Variants in RBBP4 observed in about 807,000 individuals in gnomAD.
The protein encoded by RBBP4 is RB binding protein 4, chromatin remodeling factor.
In RBBP4, 3 loss-of-function variants were observed where a neutral mutation model predicts 57.2. The ratio of observed to expected loss-of-function variants is 0.05; its 90% CI spans 0.02 to 0.14. The LOEUF (loss-of-function observed/expected upper bound fraction) is 0.14, where lower values mean the gene tolerates loss of function less well. Ranked by LOEUF, RBBP4 falls within the 10% of genes least tolerant of loss-of-function variation. The pLI, the probability that RBBP4 is intolerant of heterozygous loss-of-function variation, is 1.00. For synonymous variants in RBBP4, 151 were observed against 171.5 expected (o/e 0.88, Z 0.93); for missense variants, 107 against 520.6 (o/e 0.21, Z 7.73).
At chr1:32,675,665 A>G (rs965605631) in intron 11 of RBBP4, among the ~76,000 whole-genome samples, 18 of 152,172 alleles carry the variant, frequency 1.2e-4, no homozygotes, top group African/African-American at 4.3e-4. Flanking sequence ...GCTACTCGGG[A>G]GGCTGAGGCA....
chr1:32,682,042 T>G lies in RBBP4; in HGVS notation c.*2337T>G, dbSNP rs1649473934. 1 of 582,594 alleles carries G rather than the reference T, an allele frequency of 1.7e-6. No individual in the cohort carries two copies. The highest frequency in any genetic ancestry group is 3.1e-6 in the Non-Finnish European group (1 of 326,790). The allele number at this position is 582,594 out of a possible 1,614,324, so 36.1% of individuals were successfully genotyped here. On this transcript the variant is annotated 3_prime_UTR_variant, in exon 12 of 12. Transcript: ENST00000373493. Reference sequence around the variant, plus strand: ...TGAATGGTGATGGTGATGGGAGGGATAGTTAAACGTTTTCTCTGCTAGGTT... The same window carrying G: ...TGAATGGTGATGGTGATGGGAGGGAGAGTTAAACGTTTTCTCTGCTAGGTT...
chr1:32,657,322 CTT>C, intron 2 of RBBP4, 103 bp from the exon 3 acceptor site: 1 of 1,166,356 alleles, frequency 8.6e-7, no homozygotes, highest in Admixed American at 2.3e-5. Flanking sequence ...TTTCCCCTCT[CTT>C]AAAACCTGGT....
chr1:32,657,793 G>C (rs936987947), intron 3 of RBBP4: 1 of 430,582 alleles, frequency 2.3e-6, no homozygotes, highest in Admixed American at 4.2e-5. Flanking sequence ...TTCTCAGCTG[G>C]TGCTGGTGGG....
In RBBP4 at chr1:32,668,172, AACCTC is replaced by A. The variant is rs1438958398; in HGVS notation, c.311-52_311-48del. The A allele has an allele frequency of 1.1e-4, 165 of 1,508,424 alleles. No individual in the cohort carries two copies. The African/African-American group carries it at 2.0e-3, about 18-fold the overall frequency. The allele number at this position is 1,508,424 out of a possible 1,614,324, so 93.4% of individuals were successfully genotyped here. On this transcript the variant is annotated intron_variant, in intron 3 of 11. Coordinates refer to ENST00000373493, the MANE Select transcript of RBBP4 (RefSeq NM_005610.3). The stretch of plus-strand genomic sequence containing the variant: ...TTTCCTGTGTTCTTATACTCTGGGT[AACCTC>A]TAGAGTAGCTCTTGTTTTGTCCTCA...
Position 32,684,518 on chromosome 1 carries a change from G to A in RBBP4, c.*4813G>A, listed in dbSNP as rs1288236693. The A allele has an allele frequency of 2.3e-6, 3 of 1,281,886 alleles. No homozygotes were observed. Among genetic ancestry groups the A allele is most frequent in the Admixed American group, 5.3e-5 (2 of 38,040 alleles). 79.4% of individuals were successfully genotyped at this position (1,281,886 alleles called of 1,614,324 possible). A position where few individuals can be genotyped will look rare whatever the true frequency, so the allele number is the denominator to read the frequency against. Reference sequence around the variant, plus strand: ...ATTGAGGCTGGTATTTATATGATAGGTTATGAAACAGGTTCAAAGAAGTTG... The same window carrying A: ...ATTGAGGCTGGTATTTATATGATAGATTATGAAACAGGTTCAAAGAAGTTG... On this transcript the variant is annotated 3_prime_UTR_variant, in exon 12 of 12. Transcript: ENST00000373493.
intron 3 of RBBP4, among the ~76,000 whole-genome samples, chr1:32,666,366 T>A (rs1648645838): frequency 1.3e-5 from 2 of 152,074 alleles, no homozygotes; most frequent in African/African-American, 4.8e-5. Context: ...AACTTTATTT[T>A]TTTTTTTTTT....
intron 2 of RBBP4, among the ~76,000 whole-genome samples, chr1:32,653,479 T>G (rs1437015407): frequency 6.6e-6 from 1 of 152,000 alleles, no homozygotes; most frequent in Non-Finnish European, 1.5e-5. Context: ...TGATAGAAAT[T>G]TGGCAGAAAT....
intron 8 of RBBP4, among the ~76,000 whole-genome samples, chr1:32,670,576 T>A (rs1300430088): frequency 6.6e-6 from 1 of 151,730 alleles, no homozygotes; most frequent in African/African-American, 2.4e-5. Context: ...TATTTTTTTT[T>A]AATTAATTTT....
At chr1:32,659,265 A>G (rs1029234043) in intron 3 of RBBP4, among the ~76,000 whole-genome samples, 5 of 151,760 alleles carry the variant, frequency 3.3e-5, no homozygotes, top group African/African-American at 4.8e-5. Flanking sequence ...CTCCCATATA[A>G]TAAACCTTTC....
At chr1:32,667,991 T>C (rs1288326719) in intron 3 of RBBP4, among the ~76,000 whole-genome samples, 1 of 152,200 alleles carries the variant, frequency 6.6e-6, no homozygotes, top group Non-Finnish European at 1.5e-5. Flanking sequence ...GTTGAATTCA[T>C]GGATAAAGAA....
intron 2 of RBBP4, 169 bp downstream of exon 2, chr1:32,652,230 A>T: frequency 1.3e-6 from 1 of 750,928 alleles, no homozygotes; most frequent in East Asian, 2.7e-5. Flanking sequence ...ATGATTTTGT[A>T]ACTTACCTGA....
Position 32,669,584 on chromosome 1 carries a change from T to C in RBBP4, c.966+21T>C. 1 of 1,583,730 alleles carries C rather than the reference T, an allele frequency of 6.3e-7. No individual in the cohort carries two copies. The highest frequency in any genetic ancestry group is 2.2e-5 in the East Asian group (1 of 44,666). ...TCCAGGTAAGAGAAACTAATGCTAC[T>C]ATTTTGTTTGTTTTAAGAAAAACCT... On this transcript the variant is annotated intron_variant, in intron 8 of 11. Coordinates refer to ENST00000373493, the MANE Select transcript of RBBP4 (RefSeq NM_005610.3). This position sits in a 1 kb window ranked among gnomAD's most constrained non-coding sequence, Gnocchi z 4.9.
At chr1:32,664,618 A>G (rs545834873) in intron 3 of RBBP4, among the ~76,000 whole-genome samples, 2 of 152,122 alleles carry the variant, frequency 1.3e-5, no homozygotes, top group African/African-American at 4.8e-5. Flanking sequence ...ATGCCCAGCT[A>G]ATTTTTGTAT....
intron 3 of RBBP4, chr1:32,662,421 G>T: frequency 6.0e-6 from 1 of 167,032 alleles, no homozygotes; most frequent in Non-Finnish European, 1.3e-5. Flanking sequence ...TTGTTACCCA[G>T]GCTGGAGTGC....
At chr1:32,667,201 A>C (rs976406901) in intron 3 of RBBP4, among the ~76,000 whole-genome samples, 1 of 152,332 alleles carries the variant, frequency 6.6e-6, no homozygotes, top group South Asian at 2.1e-4. Flanking sequence ...TTCAGTGGTC[A>C]TGCTCCTTGT....
chr1:32,669,432 G>C lies in RBBP4; in HGVS notation c.889-54G>C, dbSNP rs1191969202. On this transcript the variant is annotated intron_variant, in intron 7 of 11. Coordinates refer to ENST00000373493, the MANE Select transcript of RBBP4 (RefSeq NM_005610.3). This position sits in a 1 kb window ranked among gnomAD's most constrained non-coding sequence, Gnocchi z 4.9. Reference sequence around the variant, plus strand: ...GAATTGCAGAGATATTTTACTTACAGTATTTTTTTTTTCTTAAAAAATTGA... The same window carrying C: ...GAATTGCAGAGATATTTTACTTACACTATTTTTTTTTTCTTAAAAAATTGA... 5 of 1,564,028 alleles carry C rather than the reference G, an allele frequency of 3.2e-6. No individual in the cohort carries two copies. The highest frequency in any genetic ancestry group is 2.8e-5 in the African/African-American group (2 of 71,902).
intron 11 of RBBP4, among the ~76,000 whole-genome samples, chr1:32,677,111 T>A (rs1454972031): frequency 6.6e-6 from 1 of 152,182 alleles, no homozygotes; most frequent in Non-Finnish European, 1.5e-5. Flanking sequence ...ACTCGGAGTT[T>A]GCAGAGTGCT....
chr1:32,665,615 T>C (rs1238251812), intron 3 of RBBP4, among the ~76,000 whole-genome samples: 1 of 150,792 alleles, frequency 6.6e-6, no homozygotes, highest in Non-Finnish European at 1.5e-5. Flanking sequence ...GAGGCAGAGG[T>C]TGCAGTGAGC....
intron 2 of RBBP4, among the ~76,000 whole-genome samples, chr1:32,655,335 T>G (rs1648090900): frequency 6.6e-6 from 1 of 152,200 alleles, no homozygotes; most frequent in African/African-American, 2.4e-5. Flanking sequence ...ATGCAGTGTT[T>G]ACTTTTGTGT....
Sources: gnomAD v4.1 joint callset for allele counts (sites outside exome capture counted in the v4.1 genomes callset) on GRCh38, gnomAD v4.1.1 for gene constraint, Gnocchi (gnomAD v3.1) non-coding constraint, MANE v1.5 for transcripts, NCBI Gene and HGNC (gene_info 2026-07-23, HGNC 2026-07-21) for gene names.